The following GALNTL6 variants were observed in gnomAD, a reference collection of about 807,000 sequenced individuals.
The protein encoded by GALNTL6 is polypeptide N-acetylgalactosaminyltransferase-like 6.
A neutral mutation model predicts 73.7 loss-of-function variants in GALNTL6; 46 were observed. That is an observed-to-expected ratio of 0.62 (90% CI 0.49 to 0.80). The LOEUF is 0.80. Among genes scored for constraint, GALNTL6 ranks in the 30% least tolerant of loss-of-function variants. The probability of loss-of-function intolerance (pLI) is 0.00; values close to 1 mark genes in which losing one functional copy is unlikely to be tolerated. For missense variants in GALNTL6, 604 were observed against 755.0 expected (o/e 0.80, Z 2.34); for synonymous variants, 259 against 263.7 (o/e 0.98, Z 0.17).
chr4:171,818,294 A>G (rs1287603036), intron 2 of GALNTL6, among the ~76,000 whole-genome samples: 2 of 151,862 alleles, frequency 1.3e-5, no homozygotes, highest in Non-Finnish European at 2.9e-5. Context: ...TTAATCACTT[A>G]TTCAAGAATA....
At chr4:172,888,743 C>A (rs1229345982) in intron 8 of GALNTL6, among the ~76,000 whole-genome samples, 3 of 152,106 alleles carry the variant, frequency 2.0e-5, no homozygotes, top group Non-Finnish European at 4.4e-5. Flanking sequence ...TATCTGGGCT[C>A]TTTTGTTGCT....
At chr4:172,841,306 G>A (rs370236822) in intron 7 of GALNTL6, among the ~76,000 whole-genome samples, 4 of 152,210 alleles carry the variant, frequency 2.6e-5, no homozygotes, top group Non-Finnish European at 5.9e-5. Flanking sequence ...CAAGTGTTCC[G>A]TGCATATCGC....
chr4:172,417,202 A>T (rs1044677189), intron 5 of GALNTL6, among the ~76,000 whole-genome samples: 3 of 151,712 alleles, frequency 2.0e-5, no homozygotes, highest in African/African-American at 7.3e-5. Context: ...GTGAACCAAT[A>T]TCCTTTCATA....
intron 5 of GALNTL6, among the ~76,000 whole-genome samples, chr4:172,634,024 A>G (rs1415576722): frequency 6.6e-6 from 1 of 152,198 alleles, no homozygotes; most frequent in Non-Finnish European, 1.5e-5. Context: ...GTCTCTGGGA[A>G]CAGGCTAATA....
chr4:172,031,515 T>C (rs1269021546), intron 2 of GALNTL6, among the ~76,000 whole-genome samples: 1 of 152,132 alleles, frequency 6.6e-6, no homozygotes, highest in African/African-American at 2.4e-5. Flanking sequence ...GCCTTTGTCA[T>C]TGCTTTGTGG....
rs143211389 is a variant in GALNTL6 at position 172,026,881 on chromosome 4, T to C, written c.139-202775T>C. On this transcript the variant is annotated intron_variant, in intron 2 of 12. Transcript: ENST00000506823. Reference sequence around the variant, plus strand: ...TGCTTCACTTTATTATTTTATCTTATTTTATTTATTTATTTTTTGAGAAAG... The same window carrying C: ...TGCTTCACTTTATTATTTTATCTTACTTTATTTATTTATTTTTTGAGAAAG... 7.3e-3 allele frequency among the ~76,000 whole-genome samples: 1,107 copies of C among 152,218 alleles called. 14 individuals are homozygous for C. The highest frequency in any genetic ancestry group is 0.026 in the African/African-American group (1,066 of 41,556).
intron 5 of GALNTL6, among the ~76,000 whole-genome samples, chr4:172,472,438 G>T (rs1733086266): frequency 6.6e-6 from 1 of 152,118 alleles, no homozygotes; most frequent in Admixed American, 6.5e-5. Context: ...TTATGGAAGA[G>T]GAAACTGAGC....
intron 5 of GALNTL6, among the ~76,000 whole-genome samples, chr4:172,474,604 TAA>T (rs1312195510): frequency 6.6e-6 from 1 of 152,174 alleles, no homozygotes; most frequent in Non-Finnish European, 1.5e-5. Flanking sequence ...GGTTCATATA[TAA>T]GAGTGAAGAA....
At chr4:172,746,431 T>C (rs1202953200) in intron 5 of GALNTL6, among the ~76,000 whole-genome samples, 2 of 152,080 alleles carry the variant, frequency 1.3e-5, no homozygotes, top group Admixed American at 1.3e-4. Context: ...TGTTATCAAG[T>C]TCACTGAATT....
chr4:172,092,587 T>C (rs1302616954), intron 2 of GALNTL6, among the ~76,000 whole-genome samples: 1 of 151,988 alleles, frequency 6.6e-6, no homozygotes, highest in East Asian at 1.9e-4. Flanking sequence ...AAATCACAGA[T>C]CACTATAAAA....
chr4:172,610,983 G>C (rs1281037559), intron 5 of GALNTL6, among the ~76,000 whole-genome samples: 1 of 151,860 alleles, frequency 6.6e-6, no homozygotes, highest in Admixed American at 6.6e-5. Context: ...AGTCTGTTTT[G>C]TCTGAAATTA....
At chr4:172,467,091 A>T (rs1396497181) in intron 5 of GALNTL6, among the ~76,000 whole-genome samples, 1 of 152,184 alleles carries the variant, frequency 6.6e-6, no homozygotes, top group Non-Finnish European at 1.5e-5. Context: ...GGGCATAGAA[A>T]CTCAAAGCAG....
chr4:172,774,557 C>G (rs368152676), intron 5 of GALNTL6, among the ~76,000 whole-genome samples: 67 of 152,294 alleles, frequency 4.4e-4, no homozygotes, highest in Middle Eastern at 3.4e-3. Flanking sequence ...TTCTCATTAC[C>G]TAAGTATTGT....
In GALNTL6 at chr4:172,964,087, A is replaced by G. The variant is rs191207761; in HGVS notation, c.1371+11829A>G. On this transcript the variant is annotated intron_variant, in intron 10 of 12. Coordinates refer to ENST00000506823, the MANE Select transcript of GALNTL6 (RefSeq NM_001034845.3). ...AATTGAACAGCCCTCAGTGCTGTTC[A>G]AATAGAAGCAATGTGCTTTCCCCCA... 3.5e-3 allele frequency among the ~76,000 whole-genome samples: 533 copies of G among 152,306 alleles called. 4 individuals carry two copies. The highest frequency in any genetic ancestry group is 0.031 in the Middle Eastern group (9 of 294).
intron 5 of GALNTL6, among the ~76,000 whole-genome samples, chr4:172,569,234 C>T (rs752400003): frequency 6.6e-6 from 1 of 152,100 alleles, no homozygotes; most frequent in Non-Finnish European, 1.5e-5. Context: ...GGTGAGGGCC[C>T]ACCTCCTGGT....
chr4:172,903,665 G>A (rs1434820679), intron 8 of GALNTL6, among the ~76,000 whole-genome samples: 1 of 152,092 alleles, frequency 6.6e-6, no homozygotes, highest in Non-Finnish European at 1.5e-5. Context: ...AACTACAGGT[G>A]TATAAACTAC....
At chr4:172,958,971 A>G (rs546469039) in intron 10 of GALNTL6, among the ~76,000 whole-genome samples, 2 of 152,302 alleles carry the variant, frequency 1.3e-5, no homozygotes, top group East Asian at 3.9e-4. Flanking sequence ...CAGATCCTGA[A>G]CTAACCTGTA....
intron 5 of GALNTL6, among the ~76,000 whole-genome samples, chr4:172,496,132 C>T (rs1381750160): frequency 1.3e-5 from 2 of 152,280 alleles, no homozygotes; most frequent in South Asian, 2.1e-4. Context: ...TTTAATCTCT[C>T]ATACAAAAGT....
chr4:171,817,458 G>A (rs776238337), intron 2 of GALNTL6, among the ~76,000 whole-genome samples: 1 of 151,164 alleles, frequency 6.6e-6, no homozygotes, highest in African/African-American at 2.4e-5. Flanking sequence ...CTAGTATTGA[G>A]TACAAATTGT....
Sources: gnomAD v4.1 joint callset for allele counts (sites outside exome capture counted in the v4.1 genomes callset) on GRCh38, gnomAD v4.1.1 for gene constraint, MANE v1.5 for transcripts, NCBI Gene and HGNC (gene_info 2026-07-23, HGNC 2026-07-21) for gene names.